The following PRIM2 variants were observed in gnomAD, a reference collection of about 807,000 sequenced individuals.
PRIM2 encodes the protein DNA primase large subunit.
In PRIM2, 39 loss-of-function variants were observed where a neutral mutation model predicts 67.3. The ratio of observed to expected loss-of-function variants is 0.58; its 90% CI spans 0.45 to 0.76. The LOEUF is 0.76. PRIM2 is among the 30% of genes least tolerant of loss of function. PRIM2 has a pLI of 0.00. For synonymous variants in PRIM2, 143 were observed against 198.7 expected (o/e 0.72, Z 2.36); for missense variants, 398 against 598.7 (o/e 0.66, Z 3.50).
intron 5 of PRIM2, among the ~76,000 whole-genome samples, chr6:57,366,351 G>C (rs1384581473): frequency 1.3e-5 from 2 of 152,164 alleles, no homozygotes; most frequent in Non-Finnish European, 1.5e-5. Flanking sequence ...AAACTAGAAA[G>C]AGTTTAAAGG....
upstream of PRIM2, among the ~76,000 whole-genome samples, chr6:57,310,835 G>C (rs1271010451): frequency 6.7e-6 from 1 of 150,082 alleles, no homozygotes; most frequent in Non-Finnish European, 1.5e-5. Flanking sequence ...GCCGGGCAGA[G>C]ACTCCCCTCA....
At chr6:57,455,068 T>A (rs1444692428) in intron 7 of PRIM2, among the ~76,000 whole-genome samples, 4 of 152,192 alleles carry the variant, frequency 2.6e-5, no homozygotes, top group Admixed American at 2.6e-4. Context: ...AGGAGCAGGT[T>A]GTTCAGTTTC....
the PRIM2 span, among the ~76,000 whole-genome samples, chr6:57,239,850 T>A: frequency 1.3e-5 from 2 of 152,194 alleles, 1 homozygote; most frequent in South Asian, 4.1e-4. Flanking sequence ...TACTGCTTCT[T>A]AATCTGCAAT....
intron 7 of PRIM2, among the ~76,000 whole-genome samples, chr6:57,455,073 A>G (rs1772715472): frequency 1.3e-5 from 2 of 151,968 alleles, no homozygotes; most frequent in African/African-American, 2.4e-5. Flanking sequence ...CAGGTTGTTC[A>G]GTTTCCATGT....
chr6:57,433,431 T>C (rs1771900045), intron 7 of PRIM2, among the ~76,000 whole-genome samples: 1 of 129,942 alleles, frequency 7.7e-6, no homozygotes, highest in Non-Finnish European at 1.6e-5. Context: ...GATGTTCCCC[T>C]TCCTGTGTTC....
At chr6:57,439,893 A>G (rs988372528) in intron 7 of PRIM2, among the ~76,000 whole-genome samples, 31 of 152,330 alleles carry the variant, frequency 2.0e-4, no homozygotes, top group Non-Finnish European at 3.8e-4. Flanking sequence ...TTCAGAATTC[A>G]GGCTTACTTC....
intron 7 of PRIM2, among the ~76,000 whole-genome samples, chr6:57,403,696 T>C (rs1770791125): frequency 6.6e-6 from 1 of 152,244 alleles, no homozygotes; most frequent in Non-Finnish European, 1.5e-5. Context: ...AAGTTTTCTT[T>C]GTTTTCTAGT....
At chr6:57,394,668 GA>G (rs1770461598) in intron 7 of PRIM2, among the ~76,000 whole-genome samples, 1 of 152,120 alleles carries the variant, frequency 6.6e-6, no homozygotes, top group African/African-American at 2.4e-5. Flanking sequence ...TCTCTTGTCT[GA>G]TTGCTCCGGC....
chr6:57,333,068 A>T (rs1368209216), intron 5 of PRIM2, among the ~76,000 whole-genome samples: 1 of 152,132 alleles, frequency 6.6e-6, no homozygotes, highest in Admixed American at 6.5e-5. Context: ...TAGAATTACA[A>T]TTATATTTTA....
chr6:57,237,546 TAGG>T, the PRIM2 span, among the ~76,000 whole-genome samples: 2 of 152,222 alleles, frequency 1.3e-5, no homozygotes. Flanking sequence ...TTTATGGTTT[TAGG>T]TCTAACATGT....
chr6:57,522,311 C>T (rs1232712613), intron 8 of PRIM2, among the ~76,000 whole-genome samples: 4 of 152,206 alleles, frequency 2.6e-5, no homozygotes, highest in Admixed American at 2.6e-4. Flanking sequence ...AGTCATCTGG[C>T]TATTCTATAG....
chr6:57,314,867 G>A (rs1327150707), upstream of PRIM2: 2 of 152,188 alleles, frequency 1.3e-5, no homozygotes, highest in African/African-American at 4.8e-5. Context: ...ACCGTGATAT[G>A]CGGATTTATA....
At chr6:57,442,907 G>C (rs199846193) in intron 7 of PRIM2, among the ~76,000 whole-genome samples, 1 of 151,972 alleles carries the variant, frequency 6.6e-6, no homozygotes, top group African/African-American at 2.4e-5. Flanking sequence ...CTGATATTTT[G>C]TACCCTTTGA....
intron 12 of PRIM2, among the ~76,000 whole-genome samples, chr6:57,614,864 A>ATATATATGTGTGTGTG (rs1164957758): frequency 6.6e-6 from 1 of 150,742 alleles, no homozygotes; most frequent in African/African-American, 2.4e-5. Flanking sequence ...ATATATATAT[A>ATATATATGTGTGTGTG]TGTATGTGTG....
intron 5 of PRIM2, among the ~76,000 whole-genome samples, chr6:57,359,581 T>C (rs180875245): frequency 7.8e-4 from 119 of 152,316 alleles, no homozygotes; most frequent in African/African-American, 2.6e-3. Flanking sequence ...TGGGATAGTT[T>C]GTTATACAGT....
At chr6:57,365,931 C>A (rs1769340534) in intron 5 of PRIM2, among the ~76,000 whole-genome samples, 1 of 110,082 alleles carries the variant, frequency 9.1e-6, no homozygotes. Context: ...GCCTGAGCAG[C>A]AGAGTGAGAC....
chr6:57,530,599 G>T (rs1774866301), intron 8 of PRIM2, among the ~76,000 whole-genome samples: 1 of 152,124 alleles, frequency 6.6e-6, no homozygotes, highest in Non-Finnish European at 1.5e-5. Flanking sequence ...TTGGGGGGTG[G>T]CATCTTCTGG....
intron 13 of PRIM2, among the ~76,000 whole-genome samples, chr6:57,640,092 A>G (rs1335937993): frequency 6.6e-6 from 1 of 152,236 alleles, no homozygotes; most frequent in Admixed American, 6.5e-5. Context: ...TATGCAAATC[A>G]ATAAACATAA....
chr6:57,619,770 T>A (rs1776819016), intron 12 of PRIM2, among the ~76,000 whole-genome samples: 1 of 152,204 alleles, frequency 6.6e-6, no homozygotes, highest in Admixed American at 6.5e-5. Context: ...TTTGGGATTA[T>A]GTTAAACTAC....
Sources: allele counts gnomAD v4.1 joint callset (sites outside exome capture counted in the v4.1 genomes callset), GRCh38; gene constraint gnomAD v4.1.1; transcripts MANE v1.5; gene names NCBI Gene and HGNC (gene_info 2026-07-23, HGNC 2026-07-21).